Variants in SCYL2 observed in about 807,000 individuals in gnomAD.
SCYL2 encodes SCY1-like protein 2.
Under a neutral mutation model 100.4 loss-of-function variants are expected in SCYL2, and 36 were observed. The observed-to-expected ratio is 0.36, with a 90% CI of 0.27 to 0.47. The LOEUF is 0.47. Among genes scored for constraint, SCYL2 ranks in the 20% least tolerant of loss-of-function variants. SCYL2 has a pLI of 1.00. For synonymous variants in SCYL2, 330 were observed against 359.2 expected (o/e 0.92, Z 0.92); for missense variants, 902 against 1,083.9 (o/e 0.83, Z 2.36).
At chr12:100,274,146 T>C (rs2096290278) in intron 1 of SCYL2, among the ~76,000 whole-genome samples, 1 of 152,312 alleles carries the variant, frequency 6.6e-6, no homozygotes, top group South Asian at 2.1e-4. Flanking sequence ...AAATCTTTAA[T>C]AGAAGAAAGT....
intron 11 of SCYL2, among the ~76,000 whole-genome samples, chr12:100,325,903 T>A (rs2096361208): frequency 6.6e-6 from 1 of 152,124 alleles, no homozygotes; most frequent in African/African-American, 2.4e-5. Context: ...AAATGGAAAT[T>A]TTTCCCCATT....
intron 2 of SCYL2, among the ~76,000 whole-genome samples, chr12:100,285,367 A>G (rs2096303374): frequency 1.3e-5 from 2 of 152,218 alleles, no homozygotes; most frequent in Non-Finnish European, 2.9e-5. Flanking sequence ...TGAACAATGC[A>G]GTTTTTCTTT....
intron 3 of SCYL2, among the ~76,000 whole-genome samples, chr12:100,297,670 C>T (rs1452717705): frequency 1.3e-5 from 2 of 152,120 alleles, no homozygotes; most frequent in Non-Finnish European, 2.9e-5. Context: ...AGGATAATAC[C>T]ATAAGTGTAA....
chr12:100,314,882 C>T (rs1351847592), intron 8 of SCYL2, among the ~76,000 whole-genome samples: 1 of 152,182 alleles, frequency 6.6e-6, no homozygotes, highest in Non-Finnish European at 1.5e-5. Flanking sequence ...CATAAGCTAT[C>T]ATGTGGAGTT....
chr12:100,296,849 G>A (rs188059581), intron 3 of SCYL2: 45 of 152,238 alleles, frequency 3.0e-4, no homozygotes, highest in African/African-American at 8.7e-4. Flanking sequence ...CCTTGATGAT[G>A]GCTGAGCAGG....
chr12:100,338,730 G>T lies in SCYL2; in HGVS notation c.2348G>T (p.Gly783Val), dbSNP rs1354888730. 2 of 1,614,088 alleles carry T rather than the reference G, an allele frequency of 1.2e-6. 1 individual carries two copies. Among genetic ancestry groups the T allele is most frequent in the South Asian group, 2.2e-5 (2 of 91,086 alleles). The change falls in exon 18 of 18, where the codon GGA (glycine) becomes GTA (valine). Residue 783 changes from glycine (G) to valine (V), a missense_variant. By Grantham distance (109) the Gly-to-Val change is moderately radical. Coordinates refer to ENST00000360820, the MANE Select transcript of SCYL2 (RefSeq NM_017988.6). ...GCCAATATGGGCTTTCAGACTTCAG[G>T]ATTCAACATGCCCGTTAATACAAAC... The part of the protein sequence containing the change: ...LNANMGFQTS[G>V]FNMPVNTNQN...
At chr12:100,293,856 G>A (rs968988924) in intron 3 of SCYL2, among the ~76,000 whole-genome samples, 2 of 152,192 alleles carry the variant, frequency 1.3e-5, no homozygotes, top group Non-Finnish European at 2.9e-5. Flanking sequence ...TAAGGTCACA[G>A]ATCAACGGGA....
intron 2 of SCYL2, among the ~76,000 whole-genome samples, chr12:100,287,364 G>A (rs759519934): frequency 9.2e-5 from 14 of 152,146 alleles, no homozygotes; most frequent in East Asian, 3.9e-4. Context: ...AGGCACAACC[G>A]TAGCCTACAG....
chr12:100,330,344 C>T (rs933658337), intron 13 of SCYL2, among the ~76,000 whole-genome samples: 1 of 152,086 alleles, frequency 6.6e-6, no homozygotes, highest in African/African-American at 2.4e-5. Flanking sequence ...ATGGAATTGT[C>T]TCTCTGCATA....
At chr12:100,294,251 G>T (rs2096314518) in intron 3 of SCYL2, among the ~76,000 whole-genome samples, 1 of 139,168 alleles carries the variant, frequency 7.2e-6, no homozygotes, top group East Asian at 2.3e-4. Context: ...TGGCCAGGTG[G>T]GGGGCTGACC....
chr12:100,273,344 T>C (rs1335464685), intron 1 of SCYL2, among the ~76,000 whole-genome samples: 2 of 152,212 alleles, frequency 1.3e-5, no homozygotes, highest in Admixed American at 6.5e-5. Context: ...CTCTTCTTTT[T>C]GTTCCTATAA....
At chr12:100,295,456 G>T (rs1451697760) in intron 3 of SCYL2, among the ~76,000 whole-genome samples, 2 of 152,180 alleles carry the variant, frequency 1.3e-5, no homozygotes, top group Non-Finnish European at 2.9e-5. Context: ...GGCACCTCGG[G>T]AGGCCGAGGC....
At chr12:100,329,638 A>G (rs899784466) in intron 13 of SCYL2, among the ~76,000 whole-genome samples, 1 of 152,200 alleles carries the variant, frequency 6.6e-6, no homozygotes, top group African/African-American at 2.4e-5. Context: ...TTGCTACAGA[A>G]CAAATCACCA....
chr12:100,297,976 AT>A, intron 3 of SCYL2, 54 bp from the exon 4 acceptor site: 1 of 1,336,182 alleles, frequency 7.5e-7, no homozygotes, highest in Non-Finnish European at 1.0e-6. Flanking sequence ...TGTATATTTG[AT>A]TTTGATAATG....
chr12:100,280,833 C>T (rs2096297244), intron 1 of SCYL2, among the ~76,000 whole-genome samples: 1 of 151,930 alleles, frequency 6.6e-6, no homozygotes, highest in East Asian at 1.9e-4. Flanking sequence ...CACTTCTGGT[C>T]CCAAGCATTT....
chr12:100,323,735 G>A, intron 11 of SCYL2, 97 bp downstream of exon 11: 2 of 660,842 alleles, frequency 3.0e-6, no homozygotes, highest in Non-Finnish European at 5.1e-6. Flanking sequence ...GATTGTTGAT[G>A]TATTTCATCT....
intron 10 of SCYL2, among the ~76,000 whole-genome samples, chr12:100,322,857 T>C (rs1399353612): frequency 7.3e-6 from 1 of 136,500 alleles, no homozygotes; most frequent in Non-Finnish European, 1.6e-5. Context: ...CAAAACTCCG[T>C]CTCAAAAAAA....
intron 13 of SCYL2, among the ~76,000 whole-genome samples, chr12:100,330,746 T>C (rs1369391586): frequency 2.6e-5 from 4 of 152,060 alleles, no homozygotes; most frequent in South Asian, 4.2e-4. Flanking sequence ...GTAGAGAAAT[T>C]TATAAAACTA....
At position 100,267,625 on chromosome 12, in the gene SCYL2, G is replaced by C. The variant is rs988802945; in HGVS notation, c.-196G>C. ...CTGGACGAGCAGCGAGCTCCGGGGA[G>C]CGGATCCGAGAGGGCCGAGTCCTCG... On this transcript the variant is annotated 5_prime_UTR_variant, in exon 1 of 18. Coordinates refer to ENST00000360820, the MANE Select transcript of SCYL2 (RefSeq NM_017988.6). 2 of 152,394 alleles carry C rather than the reference G, an allele frequency of 1.3e-5. No homozygotes were observed. Among genetic ancestry groups the C allele is most frequent in the African/African-American group, 4.8e-5 (2 of 41,468 alleles). The allele number at this position is 152,394 out of a possible 1,614,324, so 9.4% of individuals were successfully genotyped here. A position where few individuals can be genotyped will look rare whatever the true frequency, so the allele number is the denominator to read the frequency against.
Sources: gnomAD v4.1 joint callset for allele counts (sites outside exome capture counted in the v4.1 genomes callset) on GRCh38, gnomAD v4.1.1 for gene constraint, MANE v1.5 for transcripts, NCBI Gene and HGNC (gene_info 2026-07-23, HGNC 2026-07-21) for gene names.